Variants in TNFRSF13B observed in about 807,000 individuals in gnomAD.
TNFRSF13B encodes TNF receptor superfamily member 13B.
Under a neutral mutation model 24.0 loss-of-function variants are expected in TNFRSF13B, and 34 were observed. That is an observed-to-expected ratio of 1.41 (90% CI 1.08 to 1.88). The LOEUF (loss-of-function observed/expected upper bound fraction) is 1.88, where lower values mean the gene tolerates loss of function less well. TNFRSF13B is among the 40% of genes most tolerant of loss of function. The probability of loss-of-function intolerance (pLI) is 0.00; values close to 1 mark genes in which losing one functional copy is unlikely to be tolerated. For missense variants in TNFRSF13B, 415 were observed against 380.8 expected (o/e 1.09, Z -0.75); for synonymous variants, 173 against 150.3 (o/e 1.15, Z -1.10).
At chr17:16,965,481 C>T (rs1358021811) in intron 1 of TNFRSF13B, among the ~76,000 whole-genome samples, 1 of 152,230 alleles carries the variant, frequency 6.6e-6, no homozygotes, top group Non-Finnish European at 1.5e-5. Context: ...ACAGCAGGTG[C>T]TGGATAAATG....
At chr17:16,942,478 C>A (rs1336805575) in intron 3 of TNFRSF13B, among the ~76,000 whole-genome samples, 1 of 152,116 alleles carries the variant, frequency 6.6e-6, no homozygotes, top group African/African-American at 2.4e-5. Flanking sequence ...CGTGTCACTC[C>A]GCCAGTCAGT....
intron 1 of TNFRSF13B, among the ~76,000 whole-genome samples, chr17:16,959,913 T>C (rs1175345919): frequency 2.0e-5 from 3 of 152,094 alleles, no homozygotes; most frequent in Admixed American, 2.0e-4. Context: ...CACCAATTCT[T>C]CTGAAACTCT....
chr17:16,964,518 T>C (rs867769563), intron 1 of TNFRSF13B, among the ~76,000 whole-genome samples: 7 of 152,022 alleles, frequency 4.6e-5, no homozygotes, highest in African/African-American at 1.7e-4. Context: ...AATTTTTGTA[T>C]TTTTAGTAGA....
In TNFRSF13B at chr17:16,946,591, TA is replaced by T. The variant is rs201028183; in HGVS notation, c.445+2146del. 3.3e-3 allele frequency among the ~76,000 whole-genome samples: 495 copies of T among 147,914 alleles called. 1 individual carries two copies. Among genetic ancestry groups the T allele is most frequent in the Middle Eastern group, 6.8e-3 (2 of 294 alleles). On this transcript the variant is annotated intron_variant, in intron 3 of 4. Coordinates refer to ENST00000261652, the MANE Select transcript of TNFRSF13B (RefSeq NM_012452.3). Reference sequence around the variant, plus strand: ...TTATTTTTATTTTTATTTATTTATTTATTTATTTTTTTTTGAGACACAGTCT... The same window carrying T: ...TTATTTTTATTTTTATTTATTTATTTTTTATTTTTTTTTGAGACACAGTCT...
intron 3 of TNFRSF13B, 138 bp from the exon 4 acceptor site, chr17:16,940,649 G>C (rs1301140795): frequency 6.6e-7 from 1 of 1,509,398 alleles, no homozygotes; most frequent in Non-Finnish European, 8.8e-7. Flanking sequence ...TTCTGACCCT[G>C]AGGCTGCTGG....
rs1567652308 is a variant in TNFRSF13B at position 16,948,917 on chromosome 17, CAGCTGATGCAGTCCCTCAGG to C, written c.246_265del (p.Leu83CysfsTer9). 6.2e-7 allele frequency: 1 copy of C among 1,614,222 alleles called. No individual in the cohort carries two copies. The highest frequency in any genetic ancestry group is 8.5e-7 in the Non-Finnish European group (1 of 1,180,042). ...AGGGTGCTGTCCACAGATGGAGGCACAGCTGATGCAGTCCCTCAGGAGATGGTCATAGAACTTGCCTTGCT... is the reference window on the plus strand; with the variant it reads ...AGGGTGCTGTCCACAGATGGAGGCACAGATGGTCATAGAACTTGCCTTGCT... On this transcript the variant is annotated frameshift_variant, in exon 3 of 5. Coordinates refer to ENST00000261652, the MANE Select transcript of TNFRSF13B (RefSeq NM_012452.3). LOFTEE classifies it high-confidence loss of function.
At chr17:16,970,824 C>T (rs2087738478) in intron 1 of TNFRSF13B, among the ~76,000 whole-genome samples, 1 of 152,228 alleles carries the variant, frequency 6.6e-6, no homozygotes, top group African/African-American at 2.4e-5. Flanking sequence ...GTCCAAGTCT[C>T]TCAGAAACTT....
At chr17:16,946,911 C>T (rs903869359) in intron 3 of TNFRSF13B, among the ~76,000 whole-genome samples, 4 of 152,010 alleles carry the variant, frequency 2.6e-5, no homozygotes, top group Non-Finnish European at 4.4e-5. Context: ...ATTTTTTTTC[C>T]CTCTGGCAGT....
chr17:16,952,784 C>A (rs770584973), intron 1 of TNFRSF13B, among the ~76,000 whole-genome samples: 27 of 152,230 alleles, frequency 1.8e-4, no homozygotes, highest in Non-Finnish European at 3.8e-4. Flanking sequence ...CCCTCTCCAG[C>A]CTCAGTTTCC....
intron 1 of TNFRSF13B, among the ~76,000 whole-genome samples, chr17:16,963,008 C>T (rs2087673821): frequency 6.6e-6 from 1 of 152,162 alleles, no homozygotes. Flanking sequence ...TGGGGATGAG[C>T]CTGGGGAAAG....
chr17:16,962,094 T>C (rs1249330620), intron 1 of TNFRSF13B, among the ~76,000 whole-genome samples: 1 of 152,060 alleles, frequency 6.6e-6, no homozygotes, highest in Non-Finnish European at 1.5e-5. Flanking sequence ...AATACAGAAG[T>C]GATAAGTGAG....
rs75633704 is a variant in TNFRSF13B at position 16,945,069 on chromosome 17, G to A, written c.445+3669C>T. 2.0e-3 allele frequency among the ~76,000 whole-genome samples: 306 copies of A among 152,278 alleles called. 2 individuals are homozygous for A. In the East Asian group the frequency reaches 0.042, roughly 21 times the overall value. ...TCAGAACAGAACAGACCTTAACCCT[G>A]GGCCCCTGGAGAAATAAAGGGCAGG... On this transcript the variant is annotated intron_variant, in intron 3 of 4. Coordinates refer to ENST00000261652, the MANE Select transcript of TNFRSF13B (RefSeq NM_012452.3).
At chr17:16,948,204 G>A (rs1335623143) in intron 3 of TNFRSF13B, among the ~76,000 whole-genome samples, 1 of 152,124 alleles carries the variant, frequency 6.6e-6, no homozygotes, top group Non-Finnish European at 1.5e-5. Flanking sequence ...GGCAGAGAGA[G>A]AGGGCAAGGG....
At chr17:16,940,818 G>A (rs9915588) in intron 3 of TNFRSF13B, 84 of 1,307,594 alleles carry the variant, frequency 6.4e-5, no homozygotes, top group Admixed American at 5.1e-4. Flanking sequence ...TGGGTGAATC[G>A]ACAGACGAAC....
intron 2 of TNFRSF13B, 128 bp downstream of exon 2, chr17:16,952,318 G>C (rs2087594233): frequency 7.4e-7 from 1 of 1,353,948 alleles, no homozygotes; most frequent in African/African-American, 1.4e-5. Context: ...AGGGGTAAGA[G>C]GTGCCACACT....
At chr17:16,967,777 GAAAGA>G in intron 1 of TNFRSF13B, among the ~76,000 whole-genome samples, 1 of 122,412 alleles carries the variant, frequency 8.2e-6, no homozygotes, top group African/African-American at 3.3e-5. Flanking sequence ...AAAAAAGAAA[GAAAGA>G]AAAAAAAAAG....
At chr17:16,944,291 C>A (rs528903099) in intron 3 of TNFRSF13B, among the ~76,000 whole-genome samples, 1 of 152,318 alleles carries the variant, frequency 6.6e-6, no homozygotes, top group Admixed American at 6.5e-5. Flanking sequence ...AACCCTGTCT[C>A]CACCGTGTGG....
At chr17:16,966,209 G>T (rs1285518577) in intron 1 of TNFRSF13B, among the ~76,000 whole-genome samples, 2 of 150,546 alleles carry the variant, frequency 1.3e-5, no homozygotes, top group Non-Finnish European at 2.9e-5. Context: ...AGCCGAGATT[G>T]CACCACTGCA....
intron 2 of TNFRSF13B, among the ~76,000 whole-genome samples, chr17:16,950,335 T>C (rs1383796787): frequency 6.6e-6 from 1 of 152,218 alleles, no homozygotes; most frequent in Non-Finnish European, 1.5e-5. Flanking sequence ...CGTAGGGTTG[T>C]TGGCAGAGTT....
Sources: allele counts gnomAD v4.1 joint callset (sites outside exome capture counted in the v4.1 genomes callset), GRCh38; gene constraint gnomAD v4.1.1; transcripts MANE v1.5; gene names NCBI Gene and HGNC (gene_info 2026-07-23, HGNC 2026-07-21).